AFF3: variants seen among roughly 807,000 people sequenced by gnomAD.
AFF3 encodes the protein AF4/FMR2 family member 3.
AFF3 carries 32 observed loss-of-function variants against 129.7 expected under a neutral mutation model. The ratio of observed to expected loss-of-function variants is 0.25; its 90% CI spans 0.19 to 0.33. The LOEUF (loss-of-function observed/expected upper bound fraction) is 0.33, where lower values mean the gene tolerates loss of function less well. Ranked by LOEUF, AFF3 falls within the 10% of genes least tolerant of loss-of-function variation. The pLI is 1.00. For synonymous variants in AFF3, 644 were observed against 635.4 expected, an observed-to-expected ratio of 1.01 and a Z score of -0.20; for missense variants, 1,373 against 1,592.0, an observed-to-expected ratio of 0.86 and a Z score of 2.34.
chr2:99,675,988 T>G (rs1687573102), intron 11 of AFF3, among the ~76,000 whole-genome samples: 1 of 149,798 alleles, frequency 6.7e-6, no homozygotes, highest in African/African-American at 2.5e-5. Flanking sequence ...CTACTGTTTT[T>G]TTTTTTTTTT....
chr2:99,601,661 A>C, intron 13 of AFF3, 40 bp from the exon 14 acceptor site: 1 of 1,569,870 alleles, frequency 6.4e-7, no homozygotes. Context: ...GAGGGAAGGA[A>C]AGCCAAGTGA....
rs13415073 is a variant in AFF3 at position 100,042,493 on chromosome 2, T to A, written c.54-33561A>T. ...CAATAGATCCACCACAAGCATTTGT[T>A]ACACAGATGAATGCTGTGCTAGAAG... is the stretch of plus-strand genomic sequence containing the variant. On this transcript the variant is annotated intron_variant, in intron 4 of 24. Coordinates refer to ENST00000672756, the MANE Select transcript of AFF3 (RefSeq NM_001386135.1). Among the ~76,000 whole-genome samples, 531 of 152,334 alleles carry A rather than the reference T, an allele frequency of 3.5e-3. 3 individuals are homozygous for A. Among genetic ancestry groups the A allele is most frequent in the African/African-American group, 0.012 (508 of 41,576 alleles).
At chr2:99,661,374 T>C (rs1396954998) in intron 12 of AFF3, among the ~76,000 whole-genome samples, 1 of 152,260 alleles carries the variant, frequency 6.6e-6, no homozygotes, top group African/African-American at 2.4e-5. Context: ...CTTCGCTTAC[T>C]TTCAAAAATG....
intron 8 of AFF3, among the ~76,000 whole-genome samples, chr2:99,820,609 C>T (rs529382232): frequency 3.2e-4 from 48 of 150,582 alleles, no homozygotes; most frequent in South Asian, 6.5e-4. Flanking sequence ...TAGCTTGCTG[C>T]ACCATTTTTA....
intron 11 of AFF3, among the ~76,000 whole-genome samples, chr2:99,695,903 C>T (rs34856566): frequency 8.8e-6 from 1 of 113,836 alleles, no homozygotes; most frequent in South Asian, 3.1e-4. Flanking sequence ...AGAGAGCTCT[C>T]TAGAATCTAT....
At chr2:99,607,889 C>T (rs1372694667) in intron 13 of AFF3, among the ~76,000 whole-genome samples, 2 of 152,228 alleles carry the variant, frequency 1.3e-5, no homozygotes, top group Admixed American at 6.5e-5. Flanking sequence ...ATTAATTCAT[C>T]TAAAACCATA....
At chr2:100,103,587 C>T (rs1435492497) in intron 4 of AFF3, among the ~76,000 whole-genome samples, 4 of 151,392 alleles carry the variant, frequency 2.6e-5, no homozygotes, top group Non-Finnish European at 4.4e-5. Context: ...TTTAAGACAC[C>T]CGCAACTGGA....
intron 8 of AFF3, among the ~76,000 whole-genome samples, chr2:99,808,648 G>A (rs917556932): frequency 6.6e-6 from 1 of 151,960 alleles, no homozygotes; most frequent in African/African-American, 2.4e-5. Flanking sequence ...GAATTAAGAA[G>A]TGGCTTTTTA....
At chr2:100,072,933 T>A (rs923079607) in intron 4 of AFF3, among the ~76,000 whole-genome samples, 8 of 152,202 alleles carry the variant, frequency 5.3e-5, no homozygotes, top group Non-Finnish European at 8.8e-5. Context: ...GTTCACTCGT[T>A]GATTAAAATA....
chr2:100,065,229 A>T (rs1445010663), intron 4 of AFF3, among the ~76,000 whole-genome samples: 1 of 152,260 alleles, frequency 6.6e-6, no homozygotes, highest in African/African-American at 2.4e-5. Context: ...AGTCATATAA[A>T]AAGCAATTAG....
At chr2:99,845,021 T>C (rs1260570610) in intron 7 of AFF3, among the ~76,000 whole-genome samples, 3 of 152,132 alleles carry the variant, frequency 2.0e-5, no homozygotes, top group Admixed American at 6.5e-5. Flanking sequence ...ATGCCGGTTA[T>C]CTACATTACA....
At chr2:99,882,131 C>A (rs190001358) in intron 7 of AFF3, among the ~76,000 whole-genome samples, 1 of 152,118 alleles carries the variant, frequency 6.6e-6, no homozygotes, top group East Asian at 1.9e-4. Context: ...ACCCATAAAT[C>A]ATTCTTCGCA....
At chr2:99,934,294 C>A (rs574405200) in intron 7 of AFF3, among the ~76,000 whole-genome samples, 2 of 152,262 alleles carry the variant, frequency 1.3e-5, no homozygotes, top group South Asian at 4.1e-4. Context: ...ACACTGAACA[C>A]TGACCCGACA....
At chr2:99,586,522 C>T (rs897141723) in intron 16 of AFF3, among the ~76,000 whole-genome samples, 2 of 152,156 alleles carry the variant, frequency 1.3e-5, no homozygotes, top group Non-Finnish European at 2.9e-5. Context: ...AAGTGGTTTC[C>T]GTGCTGTGGT....
intron 8 of AFF3, among the ~76,000 whole-genome samples, chr2:99,755,172 G>A (rs1681985663): frequency 1.3e-5 from 2 of 151,858 alleles, no homozygotes. Context: ...CACTAAAGAT[G>A]AGCTGCATCT....
intron 8 of AFF3, among the ~76,000 whole-genome samples, chr2:99,821,097 T>C (rs887492408): frequency 6.6e-6 from 1 of 152,044 alleles, no homozygotes; most frequent in Non-Finnish European, 1.5e-5. Context: ...GGTCTCCAGC[T>C]CCTGATGTCA....
At chr2:99,713,460 G>A (rs1195032595) in intron 11 of AFF3, among the ~76,000 whole-genome samples, 2 of 151,776 alleles carry the variant, frequency 1.3e-5, no homozygotes, top group Non-Finnish European at 2.9e-5. Flanking sequence ...GTAGAGATGG[G>A]GTTTCACCCT....
chr2:99,990,300 T>C (rs968105433), intron 7 of AFF3, among the ~76,000 whole-genome samples: 2 of 152,166 alleles, frequency 1.3e-5, no homozygotes, highest in African/African-American at 4.8e-5. Context: ...TGTAACAGGA[T>C]TTACAAGTCT....
chr2:99,748,764 C>T (rs4851228), intron 9 of AFF3, among the ~76,000 whole-genome samples: 112,353 of 152,122 alleles, frequency 0.74, 42,351 homozygotes, highest in East Asian at 0.92. Context: ...ATAACACAAA[C>T]CGTACATATT....
Sources: gnomAD v4.1 joint callset for allele counts (sites outside exome capture counted in the v4.1 genomes callset) on GRCh38, gnomAD v4.1.1 for gene constraint, MANE v1.5 for transcripts, NCBI Gene and HGNC (gene_info 2026-07-23, HGNC 2026-07-21) for gene names.